Variants in CLVS1 observed in about 807,000 individuals in gnomAD.
CLVS1 encodes clavesin 1.
CLVS1 carries 10 observed loss-of-function variants against 33.1 expected under a neutral mutation model. The ratio of observed to expected loss-of-function variants is 0.30; its 90% confidence interval spans 0.19 to 0.51. The LOEUF is 0.51. CLVS1 is among the 20% of genes least tolerant of loss of function. The pLI is 0.97. For synonymous variants in CLVS1, 163 were observed against 166.1 expected, an observed-to-expected ratio of 0.98 and a Z score of 0.14; for missense variants, 343 against 433.4, an observed-to-expected ratio of 0.79 and a Z score of 1.85.
chr8:61,461,498 C>CA (rs976511998), intron 5 of CLVS1, among the ~76,000 whole-genome samples: 2 of 152,120 alleles, frequency 1.3e-5, no homozygotes, highest in African/African-American at 4.8e-5. Context: ...TATTTTGGTA[C>CA]AAAAATTTTT....
the CLVS1 span, among the ~76,000 whole-genome samples, chr8:60,990,919 C>T: frequency 1.3e-5 from 2 of 152,078 alleles, no homozygotes; most frequent in African/African-American, 4.8e-5. Flanking sequence ...ACCATGTTGG[C>T]CAGGCTGGTC....
chr8:61,028,283 C>T, the CLVS1 span, among the ~76,000 whole-genome samples: 3 of 152,184 alleles, frequency 2.0e-5, no homozygotes, highest in African/African-American at 4.8e-5. Flanking sequence ...ATAATAAAGG[C>T]TCTCCCAGTG....
chr8:61,314,077 CAG>C (rs1253682550), intron 2 of CLVS1, among the ~76,000 whole-genome samples: 2 of 152,154 alleles, frequency 1.3e-5, no homozygotes, highest in Admixed American at 1.3e-4. Flanking sequence ...GTGCACAAGA[CAG>C]AGTTAAGAAA....
the CLVS1 span, among the ~76,000 whole-genome samples, chr8:61,013,289 G>T: frequency 6.6e-6 from 1 of 152,148 alleles, no homozygotes; most frequent in South Asian, 2.1e-4. Flanking sequence ...GAGAGAGCAG[G>T]GGGCTCCTTC....
chr8:61,458,283 A>G (rs756483341), intron 4 of CLVS1, 24 bp from the exon 5 acceptor site: 2 of 1,543,848 alleles, frequency 1.3e-6, no homozygotes, highest in African/African-American at 2.7e-5. Context: ...TTGTATTGCT[A>G]ATTACTTTTT....
At chr8:61,076,167 T>TCTCC (rs1425601871) in intron 1 of CLVS1, among the ~76,000 whole-genome samples, 1 of 152,192 alleles carries the variant, frequency 6.6e-6, no homozygotes, top group African/African-American at 2.4e-5. Flanking sequence ...ATTCTTTCTC[T>TCTCC]CTCCCTCCCT....
At chr8:61,478,099 T>G (rs1818025765) in intron 5 of CLVS1, among the ~76,000 whole-genome samples, 1 of 152,228 alleles carries the variant, frequency 6.6e-6, no homozygotes, top group South Asian at 2.1e-4. Context: ...AGGAGCAGGT[T>G]TTTCAGTTTC....
At chr8:61,354,490 G>A (rs909513879) in intron 2 of CLVS1, among the ~76,000 whole-genome samples, 19 of 151,982 alleles carry the variant, frequency 1.3e-4, no homozygotes, top group Middle Eastern at 6.8e-3. Flanking sequence ...ATTTATCTCA[G>A]ATAAATAAAA....
chr8:60,967,725 G>A, the CLVS1 span: 1 of 455,296 alleles, frequency 2.2e-6, no homozygotes, highest in Non-Finnish European at 4.4e-6. Context: ...TGGGATTTGG[G>A]ATTTGGCCAG....
chr8:61,449,450 A>G (rs1206282552), intron 3 of CLVS1, among the ~76,000 whole-genome samples: 1 of 152,116 alleles, frequency 6.6e-6, no homozygotes, highest in Non-Finnish European at 1.5e-5. Flanking sequence ...CTTCTATAAC[A>G]TTACTCTGGC....
rs916106057 is a variant in CLVS1, at chr8:61,177,085, C to CG, written c.-152+45232dup. Among the ~76,000 whole-genome samples the CG allele has an allele frequency of 2.8e-4, 29 of 104,682 alleles. No homozygotes were observed. The East Asian group carries it at 3.6e-3, about 13-fold the overall frequency. 68.7% of individuals were successfully genotyped at this position (104,682 alleles called of 152,430 possible). ...CTCCCGGAGTGGCGAGGGGGCGGGG[C>CG]GGGGGGGCAAAGGAATGGCGGCAGC... On this transcript the variant is annotated intron_variant, in intron 2 of 2. Transcript: ENST00000522621.
At position 61,325,701 on chromosome 8, in the gene CLVS1, A is replaced by G. The variant is rs1454462164; in HGVS notation, c.455+25419A>G. Reference sequence around the variant, plus strand: ...GCTTTCTGAAGTTTTAACAAAGTCCAGCAACCATAGCTGTGATTTGATGTT... The same window carrying G: ...GCTTTCTGAAGTTTTAACAAAGTCCGGCAACCATAGCTGTGATTTGATGTT... On this transcript the variant is annotated intron_variant, in intron 2 of 5. Transcript: ENST00000325897. Among the ~76,000 whole-genome samples, 5 of 152,184 alleles carry G rather than the reference A, an allele frequency of 3.3e-5. No individual in the cohort carries two copies. In the East Asian group the frequency reaches 9.6e-4, roughly 29 times the overall value.
chr8:61,182,178 A>T (rs760738071), intron 2 of CLVS1, among the ~76,000 whole-genome samples: 2 of 152,194 alleles, frequency 1.3e-5, no homozygotes, highest in Non-Finnish European at 2.9e-5. Context: ...ACAAAAATTA[A>T]CTCAAGATGG....
intron 1 of CLVS1, among the ~76,000 whole-genome samples, chr8:61,072,578 TGTTA>T (rs1224824326): frequency 6.6e-6 from 1 of 152,258 alleles, no homozygotes; most frequent in East Asian, 1.9e-4. Context: ...CAGATGCATT[TGTTA>T]GTTAGCAAAT....
chr8:61,141,073 C>T (rs1315527790), intron 2 of CLVS1, among the ~76,000 whole-genome samples: 1 of 152,164 alleles, frequency 6.6e-6, no homozygotes, highest in Admixed American at 6.5e-5. Flanking sequence ...CTTATCTGCG[C>T]TCATCTGAAC....
intron 2 of CLVS1, among the ~76,000 whole-genome samples, chr8:61,333,860 C>T (rs1310414127): frequency 6.6e-6 from 1 of 152,122 alleles, no homozygotes; most frequent in Non-Finnish European, 1.5e-5. Context: ...CTCCCAACCT[C>T]CACCCTCCAA....
the CLVS1 span, among the ~76,000 whole-genome samples, chr8:61,015,196 G>C: frequency 6.6e-6 from 1 of 152,194 alleles, no homozygotes; most frequent in Non-Finnish European, 1.5e-5. Context: ...GCTTGTAGTA[G>C]GTGCTTTACA....
intron 2 of CLVS1, among the ~76,000 whole-genome samples, chr8:61,334,833 G>A (rs921163067): frequency 9.9e-5 from 15 of 152,148 alleles, no homozygotes; most frequent in Admixed American, 2.6e-4. Flanking sequence ...AGACAGAGCC[G>A]ATTCATCAAG....
intron 2 of CLVS1, among the ~76,000 whole-genome samples, chr8:61,168,460 G>A (rs1806925817): frequency 6.6e-6 from 1 of 152,108 alleles, no homozygotes; most frequent in Admixed American, 6.5e-5. Context: ...AATTAAACTT[G>A]CTATGATTTA....
Sources: gnomAD v4.1 joint callset for allele counts (sites outside exome capture counted in the v4.1 genomes callset) on GRCh38, gnomAD v4.1.1 for gene constraint, MANE v1.5 for transcripts, NCBI Gene and HGNC (gene_info 2026-07-23, HGNC 2026-07-21) for gene names.